DHX37: variants seen among roughly 807,000 people sequenced by gnomAD.
The protein encoded by DHX37 is probable ATP-dependent RNA helicase DHX37.
In DHX37, 52 loss-of-function variants were observed where a neutral mutation model predicts 134.3. The ratio of observed to expected loss-of-function variants is 0.39; its 90% confidence interval spans 0.31 to 0.49. The LOEUF (loss-of-function observed/expected upper bound fraction) is 0.49. Among genes scored for constraint, DHX37 ranks in the 20% least tolerant of loss-of-function variants. The pLI is 0.93. For synonymous variants in DHX37, 634 were observed against 670.7 expected, an observed-to-expected ratio of 0.95 and a Z score of 0.85; for missense variants, 1,344 against 1,580.8, an observed-to-expected ratio of 0.85 and a Z score of 2.54.
At position 124,950,199 on chromosome 12, in the gene DHX37, C is replaced by T; in HGVS notation, c.3166G>A (p.Glu1056Lys). Reference protein sequence around the residue: ...PLPAIEVDFPEGIDRYKHFAR... With the variant: ...PLPAIEVDFPKGIDRYKHFAR... ...AAGTGCTTGTAGCGGTCAATCCCCT[C>T]TGGAAAATCCACCTCGATGGCGGGG... Residue 1056 changes from glutamate to lysine, a missense_variant, in exon 24 of 27, where the codon GAG (glutamate) becomes AAG (lysine). Around this residue, in one of 7 missense-constraint regions of DHX37, gnomAD observed 558 missense variants for 650.0 expected, o/e 0.86. Coordinates refer to ENST00000308736, the MANE Select transcript of DHX37 (RefSeq NM_032656.4). 1 of 1,614,050 alleles carries T rather than the reference C, an allele frequency of 6.2e-7. No individual in the cohort carries two copies.
At chr12:124,957,337 A>G (rs1281158571) in intron 16 of DHX37, among the ~76,000 whole-genome samples, 1 of 152,132 alleles carries the variant, frequency 6.6e-6, no homozygotes, top group African/African-American at 2.4e-5. Flanking sequence ...CACCTCATCC[A>G]TTCACTCAAA....
chr12:124,986,293 A>G (rs529498811), intron 1 of DHX37, 28 bp from the exon 2 acceptor site: 92 of 1,609,272 alleles, frequency 5.7e-5, no homozygotes, highest in Middle Eastern at 1.7e-4. Flanking sequence ...TTAAGTCCCC[A>G]TTCTCCTTGA....
At chr12:124,967,415 G>A (rs1246434618) in intron 10 of DHX37, among the ~76,000 whole-genome samples, 197 bp from the exon 11 acceptor site, 1 of 152,146 alleles carries the variant, frequency 6.6e-6, no homozygotes, top group Non-Finnish European at 1.5e-5. Context: ...AACAAACACG[G>A]CGACTGCACA....
intron 25 of DHX37, chr12:124,948,384 A>G: frequency 2.2e-6 from 2 of 918,764 alleles, no homozygotes; most frequent in Non-Finnish European, 3.2e-6. Flanking sequence ...TGGGAGTTGG[A>G]GGCTGCAGTG....
chr12:124,976,935 T>TA (rs755479274), intron 5 of DHX37, among the ~76,000 whole-genome samples: 2 of 150,436 alleles, frequency 1.3e-5, no homozygotes, highest in Non-Finnish European at 3.0e-5. Flanking sequence ...TAATCCCAGC[T>TA]GTTGAGGAGG....
In DHX37 at chr12:124,950,241, G is replaced by A. The variant is rs774923441; in HGVS notation, c.3124C>T (p.Arg1042Cys). ...ATGGCGGGGAGCGGCCAGCCCACGC[G>A]ATCTAGAAGGTGGGAGCCAGTGAGA... Reference protein sequence around the residue: ...VLCHRASVFYRVGWPLPAIEV... With the variant: ...VLCHRASVFYCVGWPLPAIEV... The change falls in exon 24 of 27, where the codon CGC (arginine) becomes TGC (cysteine). Residue 1042 changes from arginine to cysteine, a missense_variant and splice_region_variant. By Grantham distance (180) the Arg-to-Cys change is radical. Around this residue, in one of 7 missense-constraint regions of DHX37, gnomAD observed 558 missense variants for 650.0 expected, o/e 0.86. Coordinates refer to ENST00000308736, the MANE Select transcript of DHX37 (RefSeq NM_032656.4). 22 of 1,613,376 alleles carry A rather than the reference G, an allele frequency of 1.4e-5. No individual in the cohort carries two copies. The highest frequency in any genetic ancestry group is 5.5e-5 in the South Asian group (5 of 91,048).
At chr12:124,972,406 C>A in intron 7 of DHX37, 97 bp downstream of exon 7, 1 of 1,272,058 alleles carries the variant, frequency 7.9e-7, no homozygotes. Context: ...GCTGGATCAA[C>A]AGGTGGCTTG....
chr12:124,965,561 G>A, intron 13 of DHX37, 107 bp downstream of exon 13: 2 of 1,449,036 alleles, frequency 1.4e-6, no homozygotes, highest in East Asian at 2.5e-5. Flanking sequence ...GAAGCATCGG[G>A]GACAAAGCTG....
At chr12:124,962,382 G>A (rs1198822428) in intron 15 of DHX37, among the ~76,000 whole-genome samples, 1 of 152,116 alleles carries the variant, frequency 6.6e-6, no homozygotes, top group Admixed American at 6.6e-5. Context: ...TTGGCCGGGC[G>A]CCGTGGCTAA....
chr12:124,950,797 A>G lies in DHX37; in HGVS notation c.2876T>C (p.Leu959Pro). The G allele has an allele frequency of 6.2e-7, 1 of 1,606,288 alleles. No homozygotes were observed. Among genetic ancestry groups the G allele is most frequent in the Non-Finnish European group, 8.5e-7 (1 of 1,177,812 alleles). ...DKWRNAYKTP[L>P]LDDPVFIHPS... ...GTGGATGAAGACAGGGTCGTCGAGGAGAGGGGTCTGCAGAGAATGGAGAGT... is the reference window on the plus strand; with the variant it reads ...GTGGATGAAGACAGGGTCGTCGAGGGGAGGGGTCTGCAGAGAATGGAGAGT... Residue 959 changes from leucine to proline, a missense_variant, in exon 22 of 27, where the codon CTC becomes CCC. Physicochemically the swap from Leu to Pro is moderately conservative, Grantham distance 98. Transcript: ENST00000308736.
intron 14 of DHX37, 150 bp downstream of exon 14, chr12:124,964,780 C>T: frequency 6.9e-7 from 1 of 1,443,748 alleles, no homozygotes; most frequent in Middle Eastern, 1.8e-4. Flanking sequence ...GGGGAGGGTT[C>T]CCTATTCTCC....
chr12:124,969,424 C>A (rs1264942460), intron 8 of DHX37, among the ~76,000 whole-genome samples: 1 of 152,176 alleles, frequency 6.6e-6, no homozygotes, highest in Non-Finnish European at 1.5e-5. Flanking sequence ...GCCTTTGCTG[C>A]TACGAAACCC....
chr12:124,947,565 A>C lies in DHX37; in HGVS notation c.*237T>G, dbSNP rs1953899573. The C allele has an allele frequency of 5.9e-6, 3 of 511,262 alleles. No homozygotes were observed. Among genetic ancestry groups the C allele is most frequent in the Non-Finnish European group, 1.0e-5 (3 of 290,974 alleles). The allele number at this position is 511,262 out of a possible 1,614,324, so 31.7% of individuals were successfully genotyped here. ...GAACAGCGTCCAGCACGTGAGATGA[A>C]ATCATCATCCACCATATAATAAACA... On this transcript the variant is annotated 3_prime_UTR_variant, in exon 27 of 27. Coordinates refer to ENST00000308736, the MANE Select transcript of DHX37 (RefSeq NM_032656.4).
At chr12:124,972,086 C>T (rs1029982229) in intron 7 of DHX37, among the ~76,000 whole-genome samples, 3 of 152,346 alleles carry the variant, frequency 2.0e-5, no homozygotes, top group Middle Eastern at 3.4e-3. Context: ...CCTCACCAAA[C>T]GCAACTGGAC....
At chr12:124,983,153 G>A (rs1457785749) in intron 2 of DHX37, among the ~76,000 whole-genome samples, 1 of 152,024 alleles carries the variant, frequency 6.6e-6, no homozygotes, top group African/African-American at 2.4e-5. Context: ...CTGTCACCCA[G>A]GCTGGAGTGC....
intron 12 of DHX37, among the ~76,000 whole-genome samples, chr12:124,966,074 C>T (rs1471172007): frequency 1.3e-5 from 2 of 152,208 alleles, no homozygotes; most frequent in African/African-American, 2.4e-5. Flanking sequence ...CCTGACACAT[C>T]GGTAGTGCAA....
chr12:124,986,928 G>A lies in DHX37; in HGVS notation c.107-663C>T, dbSNP rs571095282. ...GCCCCAGCTAATTTTTGTATTTTTA[G>A]TAGAGACGGGGTTTTACCATCTTAG... On this transcript the variant is annotated intron_variant, in intron 1 of 26. Transcript: ENST00000308736. Among the ~76,000 whole-genome samples the A allele has an allele frequency of 2.6e-5, 4 of 151,858 alleles. No homozygotes were observed. In the South Asian group the frequency reaches 8.4e-4, roughly 32 times the overall value.
chr12:124,962,050 A>C (rs574752938), intron 15 of DHX37, among the ~76,000 whole-genome samples: 1 of 152,224 alleles, frequency 6.6e-6, no homozygotes, highest in African/African-American at 2.4e-5. Context: ...CAAAACAAAA[A>C]AAACACCTGA....
rs749064803 is a variant in DHX37, at chr12:124,957,116, G to A, written c.2177C>T (p.Pro726Leu). The A allele has an allele frequency of 2.7e-5, 40 of 1,497,856 alleles. No individual in the cohort carries two copies. The East Asian group carries it at 6.6e-4, about 25-fold the overall frequency. The allele number at this position is 1,497,856 out of a possible 1,614,324, so 92.8% of individuals were successfully genotyped here. A position where few individuals can be genotyped will look rare whatever the true frequency, so the allele number is the denominator to read the frequency against. ...AAGGGCTTCCACGGAGGGGGGCGTC[G>A]GGAAGGGGAAGTTGATGACCTGGGA... ...NVEKVINFPF[P>L]TPPSVEALLA... Residue 726 changes from proline (P) to leucine (L), a missense_variant, in exon 17 of 27, where the codon CCG becomes CTG. By Grantham distance (98) the Pro-to-Leu change is moderately conservative. Transcript: ENST00000308736.
Sources: allele counts gnomAD v4.1 joint callset (sites outside exome capture counted in the v4.1 genomes callset), GRCh38; gene constraint gnomAD v4.1.1; regional missense constraint gnomAD v4.1.1; transcripts MANE v1.5; gene names NCBI Gene and HGNC (gene_info 2026-07-23, HGNC 2026-07-21).